The following SNX7 variants were observed in gnomAD, a reference collection of about 807,000 sequenced individuals.
SNX7 encodes sorting nexin 7, also known as sorting nexin-7.
In SNX7, 35 loss-of-function variants were observed where a neutral mutation model predicts 48.4. That is an observed-to-expected ratio of 0.72 (90% CI 0.55 to 0.96). The LOEUF (loss-of-function observed/expected upper bound fraction) is 0.96. Ranked by LOEUF, SNX7 falls within the 40% of genes least tolerant of loss-of-function variation. The pLI is 0.00. For missense variants in SNX7, 553 were observed against 548.9 expected (o/e 1.01, Z -0.07); for synonymous variants, 190 against 190.2 (o/e 1.00, Z 0.01).
intron 8 of SNX7, among the ~76,000 whole-genome samples, chr1:98,758,102 C>T (rs1229521328): frequency 7.2e-5 from 11 of 151,968 alleles, no homozygotes; most frequent in Non-Finnish European, 8.8e-5. Flanking sequence ...CATCACAGTG[C>T]CTGGCATATA....
At chr1:98,711,733 T>A (rs1652319868) in intron 7 of SNX7, among the ~76,000 whole-genome samples, 1 of 152,202 alleles carries the variant, frequency 6.6e-6, no homozygotes, top group South Asian at 2.1e-4. Flanking sequence ...CTATGGCAAT[T>A]TCTTAAAATA....
chr1:98,691,395 A>G, intron 3 of SNX7, 140 bp from the exon 4 acceptor site: 1 of 814,498 alleles, frequency 1.2e-6, no homozygotes. Flanking sequence ...TTTTGGTTCT[A>G]ACATTGTGAA....
intron 8 of SNX7, among the ~76,000 whole-genome samples, chr1:98,744,329 G>A (rs17388542): frequency 6.6e-6 from 1 of 151,676 alleles, no homozygotes; most frequent in Admixed American, 6.6e-5. Context: ...AGCAGGTGAA[G>A]AATCTGACAC....
intron 7 of SNX7, among the ~76,000 whole-genome samples, chr1:98,720,505 A>T (rs1450048160): frequency 6.6e-6 from 1 of 152,048 alleles, no homozygotes; most frequent in Admixed American, 6.6e-5. Context: ...TACTTTTTTG[A>T]GTGAACCCCT....
chr1:98,661,687 G>C (rs767953602), upstream of SNX7: 407 of 1,196,690 alleles, frequency 3.4e-4, no homozygotes, highest in Non-Finnish European at 3.9e-4. Context: ...CGGGGGAGCC[G>C]GGCTGGCGGC....
At chr1:98,738,500 C>T in intron 8 of SNX7, 111 bp downstream of exon 8, 1 of 1,021,010 alleles carries the variant, frequency 9.8e-7, no homozygotes, top group Non-Finnish European at 1.4e-6. Context: ...ATTCTAATGC[C>T]TCTCTGGTAG....
chr1:98,698,008 T>C (rs1299151520), intron 5 of SNX7, among the ~76,000 whole-genome samples: 3 of 152,164 alleles, frequency 2.0e-5, no homozygotes, highest in Non-Finnish European at 2.9e-5. Context: ...GAATTTCACA[T>C]TGGACCTGGA....
In SNX7 at chr1:98,685,568, T is replaced by G. The variant is rs375527092; in HGVS notation, c.363+501T>G. Among the ~76,000 whole-genome samples, 14 of 152,274 alleles carry G rather than the reference T, an allele frequency of 9.2e-5. No homozygotes were observed. The East Asian group carries it at 1.7e-3, about 19-fold the overall frequency. Reference sequence around the variant, plus strand: ...AGTAGATCTAGAACACAGATCTCTTTAATCGTAGGGCGAAGTGCTACAAAG... The same window carrying G: ...AGTAGATCTAGAACACAGATCTCTTGAATCGTAGGGCGAAGTGCTACAAAG... On this transcript the variant is annotated intron_variant, in intron 2 of 8. Transcript: ENST00000306121.
Position 98,714,691 on chromosome 1 carries a change from A to G in SNX7, c.1125+12788A>G, listed in dbSNP as rs957000572. Among the ~76,000 whole-genome samples, 3 of 152,174 alleles carry G rather than the reference A, an allele frequency of 2.0e-5. No homozygotes were observed. The East Asian group carries it at 5.8e-4, about 29-fold the overall frequency. ...GTTGGAAGAAGGAGGAAAAGCCATG[A>G]TCCTCTGAAATGAGAATGAATTCAC... On this transcript the variant is annotated intron_variant, in intron 7 of 8. Coordinates refer to ENST00000306121, the MANE Select transcript of SNX7 (RefSeq NM_015976.5).
At chr1:98,726,542 G>T (rs1653180668) in intron 7 of SNX7, among the ~76,000 whole-genome samples, 1 of 152,126 alleles carries the variant, frequency 6.6e-6, no homozygotes, top group Non-Finnish European at 1.5e-5. Context: ...AACTGAGCTT[G>T]ATTATGTCTG....
rs960083277 is a variant in SNX7 at position 98,760,205 on chromosome 1, G to C, written c.*74G>C. ...CAAAGTTATTCTTTCTGGATCTGCC[G>C]TGTCCTTATAAAGTGGATGAAAAAT... On this transcript the variant is annotated 3_prime_UTR_variant, in exon 9 of 9. Transcript: ENST00000306121. The C allele has an allele frequency of 8.4e-7, 1 of 1,196,944 alleles. No individual in the cohort carries two copies. Among genetic ancestry groups the C allele is most frequent in the Admixed American group, 1.7e-5 (1 of 57,374 alleles). 74.1% of individuals were successfully genotyped at this position (1,196,944 alleles called of 1,614,324 possible).
intron 7 of SNX7, among the ~76,000 whole-genome samples, chr1:98,713,599 C>T (rs553794910): frequency 4.7e-4 from 71 of 152,316 alleles, no homozygotes; most frequent in African/African-American, 1.7e-3. Context: ...GCCTTCCTCA[C>T]TAAGTTTAAT....
At chr1:98,698,650 G>C (rs1651583647) in intron 5 of SNX7, 56 bp from the exon 6 acceptor site, 1 of 1,486,872 alleles carries the variant, frequency 6.7e-7, no homozygotes, top group African/African-American at 1.4e-5. Context: ...TAGGATACAG[G>C]TATTTTGAAA....
intron 8 of SNX7, among the ~76,000 whole-genome samples, chr1:98,738,600 A>G (rs1360064464): frequency 6.6e-6 from 1 of 152,274 alleles, no homozygotes; most frequent in South Asian, 2.1e-4. Flanking sequence ...AGCATTTGAT[A>G]ATGCTTTCTA....
intron 4 of SNX7, 68 bp from the exon 5 acceptor site, chr1:98,695,450 T>C (rs1432806798): frequency 4.1e-6 from 6 of 1,448,760 alleles, no homozygotes; most frequent in Non-Finnish European, 1.9e-6. Context: ...TAATTAGGTT[T>C]ATTTTTGTAT....
At chr1:98,697,908 A>G (rs1651546424) in intron 5 of SNX7, among the ~76,000 whole-genome samples, 1 of 152,182 alleles carries the variant, frequency 6.6e-6, no homozygotes, top group Non-Finnish European at 1.5e-5. Flanking sequence ...GACAAGGCAG[A>G]GGGACATGTG....
At chr1:98,708,963 C>T (rs930417895) in intron 7 of SNX7, among the ~76,000 whole-genome samples, 1 of 152,152 alleles carries the variant, frequency 6.6e-6, no homozygotes, top group African/African-American at 2.4e-5. Context: ...AGAGCAGTCT[C>T]TGTAAAGTAT....
chr1:98,679,315 C>T (rs1650348109), intron 1 of SNX7, among the ~76,000 whole-genome samples: 1 of 151,914 alleles, frequency 6.6e-6, no homozygotes, highest in Non-Finnish European at 1.5e-5. Context: ...AATTACCTTC[C>T]ACCAGGTTCA....
At chr1:98,738,108 A>G in intron 7 of SNX7, 129 bp from the exon 8 acceptor site, 1 of 886,590 alleles carries the variant, frequency 1.1e-6, no homozygotes, top group South Asian at 1.8e-5. Flanking sequence ...CAGAGTAAAT[A>G]CTGGTGATTA....
Sources: gnomAD v4.1 joint callset for allele counts (sites outside exome capture counted in the v4.1 genomes callset) on GRCh38, gnomAD v4.1.1 for gene constraint, MANE v1.5 for transcripts, NCBI Gene and HGNC (gene_info 2026-07-23, HGNC 2026-07-21) for gene names.